Variants in ST3GAL4 observed in about 807,000 individuals in gnomAD.
ST3GAL4 encodes the protein ST3 beta-galactoside alpha-2,3-sialyltransferase 4.
A neutral mutation model predicts 42.6 loss-of-function variants in ST3GAL4; 24 were observed. The observed-to-expected ratio is 0.56, with a 90% CI of 0.41 to 0.79. The LOEUF is 0.79. ST3GAL4 is among the 30% of genes least tolerant of loss of function. The pLI, the probability that ST3GAL4 is intolerant of heterozygous loss-of-function variation, is 0.00. For missense variants in ST3GAL4, 311 were observed against 430.8 expected (o/e 0.72, Z 2.46); for synonymous variants, 135 against 163.2 (o/e 0.83, Z 1.32).
intron 1 of ST3GAL4, among the ~76,000 whole-genome samples, chr11:126,368,448 C>T (rs1366274929): frequency 6.6e-6 from 1 of 152,258 alleles, no homozygotes; most frequent in Admixed American, 6.5e-5. Context: ...GCCTCACAGT[C>T]TGGGGAGGCC....
rs754319474 is a variant in ST3GAL4 at position 126,409,440 on chromosome 11, T to C, written c.771+29T>C. ...ATGATGGGAAGTCAGGCCTGAGGGC[T>C]AGGATCCTGGGCGGGAAGTAGGAGG... On this transcript the variant is annotated intron_variant, in intron 9 of 10. Coordinates refer to ENST00000444328, the MANE Select transcript of ST3GAL4 (RefSeq NM_001254757.2). This position sits in a 1 kb window ranked among gnomAD's most constrained non-coding sequence, Gnocchi z 4.9. 6 of 1,613,906 alleles carry C rather than the reference T, an allele frequency of 3.7e-6. No individual in the cohort carries two copies. The highest frequency in any genetic ancestry group is 5.1e-6 in the Non-Finnish European group (6 of 1,179,918).
At chr11:126,375,139 G>C (rs1204904263) in intron 1 of ST3GAL4, 2 of 152,290 alleles carry the variant, frequency 1.3e-5, no homozygotes, top group African/African-American at 4.8e-5. Context: ...GTCCATGCCA[G>C]TGGTGGGATG....
chr11:126,401,568 AGAAG>A, intron 1 of ST3GAL4, among the ~76,000 whole-genome samples: 1 of 149,382 alleles, frequency 6.7e-6, no homozygotes, highest in African/African-American at 2.5e-5. Context: ...AAAAAAAAAA[AGAAG>A]AAGAAGAAAA....
chr11:126,413,844 G>T (rs1441248365), intron 10 of ST3GAL4, 117 bp from the exon 11 acceptor site: 18 of 1,423,674 alleles, frequency 1.3e-5, no homozygotes, highest in Non-Finnish European at 1.7e-5. Flanking sequence ...CCAAGAGCCA[G>T]CCTGGGGAAG....
Position 126,406,002 on chromosome 11 carries a change from G to C in ST3GAL4, c.-60-94G>C. 1 of 1,440,014 alleles carries C rather than the reference G, an allele frequency of 6.9e-7. No individual in the cohort carries two copies. The highest frequency in any genetic ancestry group is 9.5e-7 in the Non-Finnish European group (1 of 1,053,676). 89.2% of individuals were successfully genotyped at this position (1,440,014 alleles called of 1,614,324 possible). A position where few individuals can be genotyped will look rare whatever the true frequency, so the allele number is the denominator to read the frequency against. On this transcript the variant is annotated intron_variant, in intron 1 of 10. Transcript: ENST00000444328. This position sits in a 1 kb window ranked among gnomAD's most constrained non-coding sequence, Gnocchi z 5.4. ...GGGAGCAGCTTCCTGCTTTCTGGTG[G>C]AAGGGAGGGGCAGACAGTGGGTGTG...
intron 9 of ST3GAL4, among the ~76,000 whole-genome samples, chr11:126,412,489 G>C (rs1308753190): frequency 1.3e-5 from 2 of 152,218 alleles, no homozygotes; most frequent in African/African-American, 2.4e-5. Flanking sequence ...AATTAGGCAT[G>C]AGCAACTGAG....
At chr11:126,365,739 C>T (rs1952399930) in intron 1 of ST3GAL4, among the ~76,000 whole-genome samples, 1 of 152,172 alleles carries the variant, frequency 6.6e-6, no homozygotes, top group Non-Finnish European at 1.5e-5. Context: ...GAAGGCCTTG[C>T]AGGTTCCTGG....
chr11:126,356,745 G>C (rs2135356112), intron 1 of ST3GAL4, among the ~76,000 whole-genome samples: 1 of 152,368 alleles, frequency 6.6e-6, no homozygotes, highest in East Asian at 1.9e-4. Flanking sequence ...AGGCCTCTTG[G>C]GGAAGCCTGT....
intron 1 of ST3GAL4, among the ~76,000 whole-genome samples, chr11:126,401,419 T>G (rs898431645): frequency 4.6e-5 from 7 of 151,650 alleles, no homozygotes; most frequent in African/African-American, 1.7e-4. Flanking sequence ...CATACAAAAA[T>G]TAGCCAGGCA....
intron 1 of ST3GAL4, among the ~76,000 whole-genome samples, chr11:126,367,491 C>T (rs1010942051): frequency 6.6e-6 from 1 of 152,154 alleles, no homozygotes; most frequent in Non-Finnish European, 1.5e-5. Flanking sequence ...GAGGGGCTGC[C>T]TTGTGCCTGG....
At chr11:126,401,598 C>T (rs960627795) in intron 1 of ST3GAL4, among the ~76,000 whole-genome samples, 10 of 147,832 alleles carry the variant, frequency 6.8e-5, no homozygotes, top group Non-Finnish European at 1.1e-4. Context: ...AAGGTGGGCC[C>T]CGGCAGCAGA....
At chr11:126,364,008 A>T (rs1442679189) in intron 1 of ST3GAL4, among the ~76,000 whole-genome samples, 1 of 152,184 alleles carries the variant, frequency 6.6e-6, no homozygotes, top group Non-Finnish European at 1.5e-5. Flanking sequence ...CACACAGTGG[A>T]GACTGATCCC....
At chr11:126,402,089 GA>G (rs1164305726) in intron 1 of ST3GAL4, among the ~76,000 whole-genome samples, 9 of 134,492 alleles carry the variant, frequency 6.7e-5, no homozygotes, top group Non-Finnish European at 1.4e-4. Flanking sequence ...GGATTTGGGG[GA>G]AAGAGGGGAG....
intron 4 of ST3GAL4, 91 bp from the exon 5 acceptor site, chr11:126,407,161 G>A (rs762625607): frequency 1.4e-4 from 213 of 1,498,690 alleles, no homozygotes; most frequent in Non-Finnish European, 1.9e-4. Context: ...GGGAAGAGAA[G>A]GCCTTATAAT....
chr11:126,361,696 G>T (rs1369175779), intron 1 of ST3GAL4, among the ~76,000 whole-genome samples: 1 of 152,072 alleles, frequency 6.6e-6, no homozygotes, highest in Non-Finnish European at 1.5e-5. Context: ...GGACCTCAGT[G>T]GGGCTCAGGC....
At position 126,396,827 on chromosome 11, in the gene ST3GAL4, C is replaced by T. The variant is rs1012618630; in HGVS notation, c.-60-9269C>T. On this transcript the variant is annotated intron_variant, in intron 1 of 10. Coordinates refer to ENST00000444328, the MANE Select transcript of ST3GAL4 (RefSeq NM_001254757.2). This position sits in a 1 kb window ranked among gnomAD's most constrained non-coding sequence, Gnocchi z 5.8. ...ACTGACCCCTTTCCCACCTTAGTTC[C>T]CTGGCTCTACAATGGAGGTAATTAT... Among the ~76,000 whole-genome samples, 12 of 151,868 alleles carry T rather than the reference C, an allele frequency of 7.9e-5. No individual in the cohort carries two copies. The highest frequency in any genetic ancestry group is 2.9e-4 in the African/African-American group (12 of 41,272).
rs1466992953 is a variant in ST3GAL4, at chr11:126,407,651, ACTCCAGT to A, written c.341+20_341+26del. 3 of 1,612,554 alleles carry A rather than the reference ACTCCAGT, an allele frequency of 1.9e-6. No homozygotes were observed. The Admixed American group carries it at 5.0e-5, about 27-fold the overall frequency. ...CATCCAGAGGTAAGGCGGCACTCCG[ACTCCAGT>A]CTGGGCACCTTCTCCTATTTCCTGC... On this transcript the variant is annotated intron_variant, in intron 6 of 10. Coordinates refer to ENST00000444328, the MANE Select transcript of ST3GAL4 (RefSeq NM_001254757.2).
Position 126,413,637 on chromosome 11 carries a change from A to G in ST3GAL4, c.904A>G (p.Lys302Glu). Reference sequence around the variant, plus strand: ...TCACTACTATGAGCAGATCACGCTCAAGTCCATGGCGGTAAGTGCCTGGCT... The same window carrying G: ...TCACTACTATGAGCAGATCACGCTCGAGTCCATGGCGGTAAGTGCCTGGCT... ...TIHYYEQITL[K>E]SMAGSGHNVS... The change falls in exon 10 of 11, where the codon AAG becomes GAG. Residue 302 changes from lysine (K) to glutamate (E), a missense_variant. By Grantham distance (56) the Lys-to-Glu change is moderately conservative. Coordinates refer to ENST00000444328, the MANE Select transcript of ST3GAL4 (RefSeq NM_001254757.2). 1.9e-6 allele frequency: 3 copies of G among 1,614,222 alleles called. No homozygotes were observed. Among genetic ancestry groups the G allele is most frequent in the Non-Finnish European group, 8.5e-7 (1 of 1,180,024 alleles).
rs910581641 is a variant in ST3GAL4 at position 126,384,156 on chromosome 11, C to T, written c.-60-21940C>T. On this transcript the variant is annotated intron_variant, in intron 1 of 10. Transcript: ENST00000444328. The surrounding 1 kb of genome is among the most constrained non-coding windows in gnomAD (Gnocchi z 5.5). The stretch of plus-strand genomic sequence containing the variant: ...GTGGACCCTTGGACCCTCCGCTGCA[C>T]AGTTCCAGAAACTTGTTCATCAAGT... Among the ~76,000 whole-genome samples the T allele has an allele frequency of 6.6e-6, 1 of 152,238 alleles. No individual in the cohort carries two copies. Among genetic ancestry groups the T allele is most frequent in the African/African-American group, 2.4e-5 (1 of 41,458 alleles).
Sources: allele counts gnomAD v4.1 joint callset (sites outside exome capture counted in the v4.1 genomes callset), GRCh38; gene constraint gnomAD v4.1.1; non-coding constraint Gnocchi (gnomAD v3.1); transcripts MANE v1.5; gene names NCBI Gene and HGNC (gene_info 2026-07-23, HGNC 2026-07-21).